CDH12: variants seen among roughly 807,000 people sequenced by gnomAD.
CDH12 encodes cadherin-12.
CDH12 carries 41 observed loss-of-function variants against 74.1 expected under a neutral mutation model. That is an observed-to-expected ratio of 0.55 (90% CI 0.43 to 0.72). The LOEUF (loss-of-function observed/expected upper bound fraction) is 0.72. Among genes scored for constraint, CDH12 ranks in the 30% least tolerant of loss-of-function variants. The probability of loss-of-function intolerance (pLI) is 0.00; values close to 1 mark genes in which losing one functional copy is unlikely to be tolerated. For missense variants in CDH12, 945 were observed against 977.2 expected, an observed-to-expected ratio of 0.97 and a Z score of 0.44; for synonymous variants, 399 against 355.0, an observed-to-expected ratio of 1.12 and a Z score of -1.39.
intron 4 of CDH12, among the ~76,000 whole-genome samples, chr5:22,181,111 G>C (rs544086154): frequency 6.6e-6 from 1 of 152,010 alleles, no homozygotes; most frequent in Non-Finnish European, 1.5e-5. Context: ...ATCAAGAAGC[G>C]TTGTATACCG....
rs1349800422 is a variant in CDH12, at chr5:21,961,052, A to G, written c.526+14039T>C. Among the ~76,000 whole-genome samples, 3 of 151,896 alleles carry G rather than the reference A, an allele frequency of 2.0e-5. No homozygotes were observed. The East Asian group carries it at 5.8e-4, about 29-fold the overall frequency. ...GTGTTCTAAAACTTGAAATTAGACT[A>G]CATTAGTTGATAGTATTATTAGAAT... On this transcript the variant is annotated intron_variant, in intron 6 of 14. Coordinates refer to ENST00000382254, the MANE Select transcript of CDH12 (RefSeq NM_004061.5).
intron 9 of CDH12, among the ~76,000 whole-genome samples, chr5:21,807,156 T>C (rs1218632223): frequency 6.6e-6 from 1 of 152,144 alleles, no homozygotes; most frequent in African/African-American, 2.4e-5. Flanking sequence ...CCCAGATTTG[T>C]GGCATATGTC....
At chr5:22,104,562 A>G (rs116315831) in intron 4 of CDH12, among the ~76,000 whole-genome samples, 1,798 of 152,284 alleles carry the variant, frequency 0.012, 27 homozygotes, top group African/African-American at 0.041. Context: ...CTTTTCTAAG[A>G]ATTTACAATA....
intron 1 of CDH12, among the ~76,000 whole-genome samples, chr5:22,571,634 C>T (rs1033149391): frequency 6.6e-6 from 1 of 152,160 alleles, no homozygotes; most frequent in African/African-American, 2.4e-5. Flanking sequence ...GCAATCATTT[C>T]TAACTTTTCA....
At chr5:22,708,249 T>A (rs1220767458) in intron 1 of CDH12, among the ~76,000 whole-genome samples, 2 of 152,170 alleles carry the variant, frequency 1.3e-5, no homozygotes, top group African/African-American at 4.8e-5. Flanking sequence ...CTTTGGTGAG[T>A]ATTGGAGATA....
At chr5:21,786,750 C>G (rs1413237030) in intron 10 of CDH12, among the ~76,000 whole-genome samples, 3 of 152,010 alleles carry the variant, frequency 2.0e-5, no homozygotes, top group Admixed American at 2.0e-4. Flanking sequence ...AATTGAAAAC[C>G]TTATGGAAAG....
chr5:21,828,258 G>T (rs1748794469), intron 8 of CDH12, among the ~76,000 whole-genome samples: 1 of 151,906 alleles, frequency 6.6e-6, no homozygotes, highest in Admixed American at 6.6e-5. Flanking sequence ...AAGTAGCCGG[G>T]GCTACAGTTG....
At chr5:22,321,209 G>T (rs1738864108) in intron 3 of CDH12, among the ~76,000 whole-genome samples, 1 of 151,726 alleles carries the variant, frequency 6.6e-6, no homozygotes, top group African/African-American at 2.4e-5. Flanking sequence ...GTTTATTGCG[G>T]CATTTTTCAC....
chr5:22,458,690 A>T lies in CDH12; in HGVS notation c.-428+46580T>A, dbSNP rs1478954396. On this transcript the variant is annotated intron_variant, in intron 2 of 14. Coordinates refer to ENST00000382254, the MANE Select transcript of CDH12 (RefSeq NM_004061.5). ...TTTAATATTTAGCATATCTTTTTAG[A>T]TATTTTAATGTTGCATATTTGTTTA... is the stretch of plus-strand genomic sequence containing the variant. 2.6e-5 allele frequency among the ~76,000 whole-genome samples: 4 copies of T among 152,186 alleles called. No individual in the cohort carries two copies. In the East Asian group the frequency reaches 7.7e-4, roughly 29 times the overall value.
chr5:22,496,526 C>A (rs1747109763), intron 2 of CDH12, among the ~76,000 whole-genome samples: 1 of 152,164 alleles, frequency 6.6e-6, no homozygotes, highest in African/African-American at 2.4e-5. Flanking sequence ...CACAAAAATT[C>A]CAAATAAATC....
At chr5:21,964,955 A>G (rs575453959) in intron 6 of CDH12, among the ~76,000 whole-genome samples, 1 of 152,098 alleles carries the variant, frequency 6.6e-6, no homozygotes, top group Non-Finnish European at 1.5e-5. Flanking sequence ...ATCCATTCTG[A>G]CTAACAGGCA....
chr5:22,194,220 G>C lies in CDH12; in HGVS notation c.-187+18278C>G, dbSNP rs187149576. Among the ~76,000 whole-genome samples the C allele has an allele frequency of 7.5e-4, 114 of 152,024 alleles. 1 individual carries two copies. The East Asian group carries it at 0.02, about 27-fold the overall frequency. ...TGGAACATTCAGGTACCAGGCTTGT[G>C]AGCTAGAGAGGTGACACACTGCTTA... On this transcript the variant is annotated intron_variant, in intron 4 of 14. Transcript: ENST00000382254.
chr5:21,753,332 G>A (rs1744203324), intron 14 of CDH12, among the ~76,000 whole-genome samples: 2 of 152,162 alleles, frequency 1.3e-5, no homozygotes, highest in South Asian at 4.1e-4. Context: ...TGTACAGTGG[G>A]CCTTGGGAGA....
At chr5:22,206,895 A>G (rs570758977) in intron 4 of CDH12, among the ~76,000 whole-genome samples, 1 of 151,410 alleles carries the variant, frequency 6.6e-6, no homozygotes, top group South Asian at 2.1e-4. Flanking sequence ...AGACATTTAG[A>G]TAGTTATCTT....
intron 2 of CDH12, among the ~76,000 whole-genome samples, chr5:22,464,461 C>A (rs1293877165): frequency 1.3e-5 from 2 of 152,136 alleles, no homozygotes; most frequent in African/African-American, 4.8e-5. Context: ...GCTGTTTAAG[C>A]TACTCCCCCT....
chr5:22,603,991 G>C (rs1736976384), intron 1 of CDH12, among the ~76,000 whole-genome samples: 1 of 152,202 alleles, frequency 6.6e-6, no homozygotes, highest in South Asian at 2.1e-4. Context: ...GAGGTCTGTA[G>C]TGGGCGACAG....
At chr5:22,339,189 A>G (rs115243492) in intron 3 of CDH12, among the ~76,000 whole-genome samples, 1 of 152,292 alleles carries the variant, frequency 6.6e-6, no homozygotes, top group African/African-American at 2.4e-5. Context: ...CACGGTAGAA[A>G]GTACTGTCTG....
At chr5:22,049,309 A>C (rs1432945663) in intron 5 of CDH12, among the ~76,000 whole-genome samples, 1 of 152,076 alleles carries the variant, frequency 6.6e-6, no homozygotes, top group East Asian at 1.9e-4. Flanking sequence ...GTTTTACATC[A>C]TTGTACCATG....
At chr5:22,850,958 A>C (rs999302511) in intron 1 of CDH12, among the ~76,000 whole-genome samples, 5 of 152,106 alleles carry the variant, frequency 3.3e-5, no homozygotes, top group African/African-American at 1.2e-4. Context: ...ATTGATTTCA[A>C]CCTATATCCC....
Sources: allele counts gnomAD v4.1 joint callset (sites outside exome capture counted in the v4.1 genomes callset), GRCh38; gene constraint gnomAD v4.1.1; transcripts MANE v1.5; gene names NCBI Gene and HGNC (gene_info 2026-07-23, HGNC 2026-07-21).